Variants in LRBA observed in about 807,000 individuals in gnomAD.
The protein encoded by LRBA is LPS responsive beige-like anchor protein.
In LRBA, 176 loss-of-function variants were observed where a neutral mutation model predicts 330.0. The ratio of observed to expected loss-of-function variants is 0.53; its 90% CI spans 0.47 to 0.60. The LOEUF (loss-of-function observed/expected upper bound fraction) is 0.60. LRBA is among the 20% of genes least tolerant of loss of function. The pLI is 0.00. For missense variants in LRBA, 3,259 were observed against 3,444.8 expected, an observed-to-expected ratio of 0.95 and a Z score of 1.35; for synonymous variants, 1,230 against 1,193.0, an observed-to-expected ratio of 1.03 and a Z score of -0.64.
rs77667993 is a variant in LRBA at position 150,287,866 on chromosome 4, C to A, written c.8018-1832G>T. 5.1e-3 allele frequency among the ~76,000 whole-genome samples: 771 copies of A among 152,206 alleles called. 7 individuals carry two copies. The highest frequency in any genetic ancestry group is 0.018 in the African/African-American group (739 of 41,524). ...TAGAAAGTTGACATTTCCCAAGCCA[C>A]AAAGAATTTGTCACAAGAGCAATTT... On this transcript the variant is annotated intron_variant, in intron 53 of 56. Transcript: ENST00000651943.
At position 150,304,106 on chromosome 4, in the gene LRBA, A is replaced by G. The variant is rs192658543; in HGVS notation, c.7850-1314T>C. Among the ~76,000 whole-genome samples the G allele has an allele frequency of 5.8e-4, 89 of 152,264 alleles. 1 individual carries two copies. The highest frequency in any genetic ancestry group is 2.1e-3 in the African/African-American group (87 of 41,548). On this transcript the variant is annotated intron_variant, in intron 52 of 56. Transcript: ENST00000651943. ...AAATAAGTTTTTATATTTCGATTAT[A>G]AAATATAATTCCGATGTTCAAGAAA...
At chr4:150,470,175 C>T (rs1212683210) in intron 43 of LRBA, among the ~76,000 whole-genome samples, 1 of 152,076 alleles carries the variant, frequency 6.6e-6, no homozygotes, top group East Asian at 1.9e-4. Flanking sequence ...AGGAGAGCAA[C>T]TCCGTCTCAA....
intron 42 of LRBA, among the ~76,000 whole-genome samples, chr4:150,484,084 T>G (rs941451427): frequency 6.6e-6 from 1 of 152,032 alleles, no homozygotes; most frequent in Non-Finnish European, 1.5e-5. Flanking sequence ...CAAGAAGGTA[T>G]GCTAAAATGA....
At chr4:150,811,092 C>T (rs1039229161) in intron 31 of LRBA, among the ~76,000 whole-genome samples, 10 of 152,164 alleles carry the variant, frequency 6.6e-5, no homozygotes, top group Admixed American at 6.5e-4. Context: ...ATACAACACT[C>T]AGTAAAGTAC....
chr4:150,392,258 T>TA (rs1250257411), intron 47 of LRBA, among the ~76,000 whole-genome samples: 3 of 152,288 alleles, frequency 2.0e-5, no homozygotes, highest in Non-Finnish European at 4.4e-5. Context: ...TCACAGTTCT[T>TA]AGAGTCTGAG....
At chr4:150,310,138 T>C in intron 52 of LRBA, 91 bp downstream of exon 52, 1 of 865,786 alleles carries the variant, frequency 1.2e-6, no homozygotes, top group East Asian at 2.4e-5. Flanking sequence ...ATTTTGTAAT[T>C]TTTGGAAGGA....
chr4:150,413,445 A>C (rs1172019753), intron 47 of LRBA, among the ~76,000 whole-genome samples: 2 of 152,220 alleles, frequency 1.3e-5, no homozygotes, highest in Non-Finnish European at 2.9e-5. Flanking sequence ...AATACTATAC[A>C]GCAATACAAA....
Position 150,828,736 on chromosome 4 carries a change from G to A in LRBA, c.4730-115C>T, listed in dbSNP as rs560942699. ...TGTTTTGAATTATGAAATACATCAT[G>A]TTCTAAAAAAGCAAAAACTAATTAC... On this transcript the variant is annotated intron_variant, in intron 29 of 56. Coordinates refer to ENST00000651943, the MANE Select transcript of LRBA (RefSeq NM_001364905.1). 36 of 989,566 alleles carry A rather than the reference G, an allele frequency of 3.6e-5. No individual in the cohort carries two copies. In the African/African-American group the frequency reaches 5.4e-4, roughly 15 times the overall value. 61.3% of individuals were successfully genotyped at this position (989,566 alleles called of 1,614,324 possible).
chr4:150,651,067 A>C (rs1224910186), intron 37 of LRBA, among the ~76,000 whole-genome samples: 1 of 152,190 alleles, frequency 6.6e-6, no homozygotes, highest in Non-Finnish European at 1.5e-5. Flanking sequence ...TGCAATTAAA[A>C]TCCTCTTAAA....
At chr4:150,926,839 A>G (rs1455735016) in intron 4 of LRBA, among the ~76,000 whole-genome samples, 4 of 152,054 alleles carry the variant, frequency 2.6e-5, no homozygotes, top group African/African-American at 9.7e-5. Context: ...TTGGGAGGCC[A>G]AGACGGGTGG....
chr4:150,356,395 C>T (rs1737851843), intron 47 of LRBA, among the ~76,000 whole-genome samples: 1 of 151,958 alleles, frequency 6.6e-6, no homozygotes, highest in South Asian at 2.1e-4. Context: ...TTCCTGTCCC[C>T]CTAATAAGAT....
intron 47 of LRBA, among the ~76,000 whole-genome samples, chr4:150,388,189 A>G (rs569699404): frequency 1.3e-5 from 2 of 152,228 alleles, no homozygotes; most frequent in Middle Eastern, 3.2e-3. Flanking sequence ...TTTCATAAAG[A>G]CACCAGTTCT....
intron 19 of LRBA, 134 bp downstream of exon 19, chr4:150,871,211 C>A: frequency 2.0e-6 from 1 of 505,226 alleles, no homozygotes; most frequent in South Asian, 2.7e-5. Context: ...CCACTGCACT[C>A]CAGCCTGGGT....
chr4:150,893,529 T>C (rs1472435610), intron 16 of LRBA, among the ~76,000 whole-genome samples: 1 of 152,080 alleles, frequency 6.6e-6, no homozygotes, highest in Admixed American at 6.6e-5. Flanking sequence ...TTTGTATTTT[T>C]GGTAGAGACA....
At chr4:150,647,649 T>A (rs1352535445) in intron 37 of LRBA, among the ~76,000 whole-genome samples, 1 of 151,986 alleles carries the variant, frequency 6.6e-6, no homozygotes, top group Non-Finnish European at 1.5e-5. Context: ...TTTTCCCACC[T>A]CCTTAAATGC....
intron 22 of LRBA, among the ~76,000 whole-genome samples, chr4:150,858,951 C>T (rs762108879): frequency 1.3e-5 from 2 of 151,916 alleles, no homozygotes; most frequent in African/African-American, 4.8e-5. Context: ...TTTAATAAAC[C>T]AATTAGAGAA....
At chr4:150,388,934 A>G (rs1048673158) in intron 47 of LRBA, among the ~76,000 whole-genome samples, 1 of 152,198 alleles carries the variant, frequency 6.6e-6, no homozygotes, top group Non-Finnish European at 1.5e-5. Context: ...ATAATGGACC[A>G]TGCAGGTTTC....
chr4:150,897,615 C>T lies in LRBA; in HGVS notation c.2004+124G>A, dbSNP rs1730233706. ...CCAAAACAAACATGGAAATATCTTT[C>T]AAAGTATTTTCCAATGTGTAACCAC... On this transcript the variant is annotated intron_variant, in intron 15 of 56. Transcript: ENST00000651943. The T allele has an allele frequency of 2.8e-5, 18 of 642,732 alleles. No individual in the cohort carries two copies. The South Asian group carries it at 3.9e-4, about 14-fold the overall frequency. The allele number at this position is 642,732 out of a possible 1,614,324, so 39.8% of individuals were successfully genotyped here.
chr4:150,363,719 C>T (rs540124440), intron 47 of LRBA, among the ~76,000 whole-genome samples: 1 of 152,276 alleles, frequency 6.6e-6, no homozygotes, highest in South Asian at 2.1e-4. Context: ...CCCCAAAGGG[C>T]AGGTGTCACA....
Sources: allele counts gnomAD v4.1 joint callset (sites outside exome capture counted in the v4.1 genomes callset), GRCh38; gene constraint gnomAD v4.1.1; transcripts MANE v1.5; gene names NCBI Gene and HGNC (gene_info 2026-07-23, HGNC 2026-07-21).